DOCK9: variants seen among roughly 807,000 people sequenced by gnomAD.
DOCK9 encodes the protein dedicator of cytokinesis 9.
In DOCK9, 89 loss-of-function variants were observed where a neutral mutation model predicts 263.3. The ratio of observed to expected loss-of-function variants is 0.34; its 90% confidence interval spans 0.28 to 0.40. The LOEUF (loss-of-function observed/expected upper bound fraction) is 0.40, where lower values mean the gene tolerates loss of function less well. Among genes scored for constraint, DOCK9 ranks in the 10% least tolerant of loss-of-function variants. The probability of loss-of-function intolerance (pLI) is 1.00; values close to 1 mark genes in which losing one functional copy is unlikely to be tolerated. For synonymous variants in DOCK9, 976 were observed against 973.1 expected (o/e 1.00, Z -0.06); for missense variants, 2,140 against 2,603.4 (o/e 0.82, Z 3.87).
Position 98,863,420 on chromosome 13 carries a change from G to C in DOCK9, c.3415C>G (p.Leu1139Val), listed in dbSNP as rs373804787. ...REVRLIAISV[L>V]KNLLIKHSFD... ...GAATGCTTTATCAGCAGGTTCTTGAGCACACTGATGGCGATCAGACGGACC... is the reference window on the plus strand; with the variant it reads ...GAATGCTTTATCAGCAGGTTCTTGACCACACTGATGGCGATCAGACGGACC... The change falls in exon 31 of 53, where the codon CTC becomes GTC. Residue 1139 changes from leucine (L) to valine (V), a missense_variant. By Grantham distance (32) the Leu-to-Val change is conservative (BLOSUM62 1). Coordinates refer to ENST00000682017, the MANE Select transcript of DOCK9 (RefSeq NM_001366683.2). The C allele has an allele frequency of 2.5e-6, 4 of 1,613,828 alleles. No individual in the cohort carries two copies. The highest frequency in any genetic ancestry group is 3.4e-6 in the Non-Finnish European group (4 of 1,179,896).
intron 1 of DOCK9, among the ~76,000 whole-genome samples, chr13:98,970,329 C>T (rs1265339199): frequency 1.3e-5 from 2 of 152,142 alleles, no homozygotes; most frequent in Non-Finnish European, 1.5e-5. Flanking sequence ...GGTCTGATAG[C>T]ACAATGCAGC....
intron 11 of DOCK9, 128 bp downstream of exon 11, chr13:98,902,844 C>T: frequency 1.0e-6 from 1 of 970,186 alleles, no homozygotes; most frequent in Non-Finnish European, 1.5e-6. Context: ...ACCTCCATAT[C>T]CTGATCCAAA....
chr13:99,049,295 T>G (rs2040576723), intron 1 of DOCK9, among the ~76,000 whole-genome samples: 1 of 151,998 alleles, frequency 6.6e-6, no homozygotes, highest in Non-Finnish European at 1.5e-5. Context: ...CAAAAGGAGG[T>G]AGCAGGCAAT....
intron 33 of DOCK9, chr13:98,857,981 C>T (rs2030689960): frequency 6.6e-6 from 1 of 152,110 alleles, no homozygotes; most frequent in Admixed American, 6.5e-5. Flanking sequence ...ACACAGAAGT[C>T]ATGAAAAAGA....
intron 1 of DOCK9, among the ~76,000 whole-genome samples, chr13:98,998,832 G>A (rs1881639698): frequency 6.6e-6 from 1 of 152,130 alleles, no homozygotes; most frequent in African/African-American, 2.4e-5. Context: ...TTTCCCTGTG[G>A]GTCTGAGCAA....
At chr13:98,969,587 A>G (rs144280714) in intron 1 of DOCK9, among the ~76,000 whole-genome samples, 15 of 152,230 alleles carry the variant, frequency 9.9e-5, no homozygotes, top group Admixed American at 8.5e-4. Flanking sequence ...CCTTCACTAC[A>G]ATAAAGCGGG....
chr13:98,913,128 G>A (rs752240976), intron 9 of DOCK9, among the ~76,000 whole-genome samples: 4 of 152,214 alleles, frequency 2.6e-5, no homozygotes, highest in Non-Finnish European at 4.4e-5. Flanking sequence ...CCTAGCCAGG[G>A]AGGGAGATTT....
intron 15 of DOCK9, among the ~76,000 whole-genome samples, chr13:98,896,169 A>T (rs1020354729): frequency 6.6e-6 from 1 of 152,234 alleles, no homozygotes; most frequent in African/African-American, 2.4e-5. Context: ...AAACAGGGGA[A>T]ACATCAAGAC....
intron 52 of DOCK9, among the ~76,000 whole-genome samples, chr13:98,796,776 T>G (rs539134375): frequency 6.6e-6 from 1 of 152,214 alleles, no homozygotes; most frequent in Non-Finnish European, 1.5e-5. Context: ...GGAATAAAGT[T>G]GTCAGAACAG....
At chr13:98,812,107 T>A (rs572635347) in intron 45 of DOCK9, among the ~76,000 whole-genome samples, 1 of 149,074 alleles carries the variant, frequency 6.7e-6, no homozygotes, top group Admixed American at 6.7e-5. Flanking sequence ...TATGTGCCCA[T>A]CCTTGTGTCA....
chr13:99,026,323 T>A (rs1886717819), intron 1 of DOCK9, among the ~76,000 whole-genome samples: 1 of 152,174 alleles, frequency 6.6e-6, no homozygotes, highest in South Asian at 2.1e-4. Flanking sequence ...AGACAGCACA[T>A]ATCAGAGGGT....
intron 1 of DOCK9, among the ~76,000 whole-genome samples, chr13:99,012,572 T>C (rs1301528391): frequency 1.3e-5 from 2 of 152,162 alleles, no homozygotes; most frequent in Non-Finnish European, 2.9e-5. Flanking sequence ...ACAGACATCC[T>C]ACCCAAGCTG....
At chr13:98,941,427 G>C (rs941812239) in intron 2 of DOCK9, among the ~76,000 whole-genome samples, 4 of 152,206 alleles carry the variant, frequency 2.6e-5, no homozygotes, top group Non-Finnish European at 5.9e-5. Context: ...TAGACTTTGA[G>C]AGTCATATGA....
At position 98,837,556 on chromosome 13, in the gene DOCK9, T is replaced by C. The variant is rs544564158; in HGVS notation, c.4252A>G (p.Ile1418Val). Residue 1418 changes from isoleucine to valine, a missense_variant, in exon 39 of 53, where the codon ATT (isoleucine) becomes GTT (valine). By Grantham distance (29) the Ile-to-Val change is conservative. This residue lies in a region of DOCK9 where 1,521 missense variants were observed against 1,741.7 expected (regional missense o/e 0.87). Transcript: ENST00000682017. ...VLHQSLLEANIATEVCLTALD... is the reference protein window; with the variant it reads ...VLHQSLLEANVATEVCLTALD... ...GCTGTCAGGCAAACCTCAGTAGCAATGTTGGCTTCAAGTAATGACTGGTGC... is the reference window on the plus strand; with the variant it reads ...GCTGTCAGGCAAACCTCAGTAGCAACGTTGGCTTCAAGTAATGACTGGTGC... 6.2e-7 allele frequency: 1 copy of C among 1,613,480 alleles called. No homozygotes were observed. The highest frequency in any genetic ancestry group is 8.5e-7 in the Non-Finnish European group (1 of 1,179,658).
chr13:98,985,537 TCA>T (rs2141646772), intron 1 of DOCK9, among the ~76,000 whole-genome samples: 1 of 152,302 alleles, frequency 6.6e-6, no homozygotes, highest in Admixed American at 6.5e-5. Flanking sequence ...CAGGATCCTC[TCA>T]GTTTGGAAAT....
In DOCK9 at chr13:98,867,498, C is replaced by T. The variant is rs187786488; in HGVS notation, c.3213G>A (p.Val1071=). Residue 1071 remains valine (V), a synonymous_variant, in exon 30 of 53, where the codon GTG becomes GTA. Transcript: ENST00000682017. ...FEYKFEFLRV[V]CNHEHYIPLN... is the part of the protein sequence containing the mutation. ...ACGGAATATAATGTTCATGGTTGCA[C>T]ACTACACGGAGAAATTCAAACTTGT... 7.0e-4 allele frequency: 1,133 copies of T among 1,612,340 alleles called. 5 individuals carry two copies. In the African/African-American group the frequency reaches 0.013, roughly 19 times the overall value.
intron 27 of DOCK9, 111 bp from the exon 28 acceptor site, chr13:98,868,488 G>C (rs2094104650): frequency 7.9e-7 from 1 of 1,262,978 alleles, no homozygotes; most frequent in Non-Finnish European, 1.1e-6. Context: ...TTCTAGCTGG[G>C]TGCTGTGGCT....
chr13:98,879,968 T>A lies in DOCK9; in HGVS notation c.2873A>T (p.Tyr958Phe). Residue 958 changes from tyrosine (Y) to phenylalanine (F), a missense_variant and splice_region_variant, in exon 27 of 53, where the codon TAC becomes TTC. Around this residue, in one of 2 missense-constraint regions of DOCK9, gnomAD observed 1,521 missense variants for 1,741.7 expected, o/e 0.87. Coordinates refer to ENST00000682017, the MANE Select transcript of DOCK9 (RefSeq NM_001366683.2). ...DFLTSNKLLK[Y>F]SWFFFDVLIK... ...CAGTACATCAAAGAAAAACCATGAG[T>A]ACTAAAAGAAAAAAGAACAGGACCC... 1 of 1,599,522 alleles carries A rather than the reference T, an allele frequency of 6.3e-7. No individual in the cohort carries two copies. The highest frequency in any genetic ancestry group is 1.8e-5 in the Admixed American group (1 of 56,096).
chr13:99,073,472 C>A (rs958003743), intron 1 of DOCK9, among the ~76,000 whole-genome samples: 3 of 151,874 alleles, frequency 2.0e-5, no homozygotes, highest in Non-Finnish European at 2.9e-5. Flanking sequence ...GGGTCGATTT[C>A]TATTGCATTG....
Sources: gnomAD v4.1 joint callset for allele counts (sites outside exome capture counted in the v4.1 genomes callset) on GRCh38, gnomAD v4.1.1 for gene constraint, gnomAD v4.1.1 regional missense constraint, MANE v1.5 for transcripts, NCBI Gene and HGNC (gene_info 2026-07-23, HGNC 2026-07-21) for gene names.